Variants in POLA1 observed in about 807,000 individuals in gnomAD.
POLA1 encodes DNA polymerase alpha catalytic subunit.
In POLA1, 15 loss-of-function variants were observed where a neutral mutation model predicts 124.0. That is an observed-to-expected ratio of 0.12 (90% CI 0.08 to 0.19). The LOEUF is 0.19. Among genes scored for constraint, POLA1 ranks in the 10% least tolerant of loss-of-function variants. The probability of loss-of-function intolerance (pLI) is 1.00; values close to 1 mark genes in which losing one functional copy is unlikely to be tolerated. For missense variants in POLA1, 886 were observed against 1,103.4 expected (o/e 0.80, Z 2.79); for synonymous variants, 408 against 389.4 (o/e 1.05, Z -0.56).
At chrX:24,937,517 T>A (rs768207347) in intron 36 of POLA1, among the ~76,000 whole-genome samples, 1 of 112,224 alleles carries the variant, frequency 8.9e-6, no homozygotes, top group Admixed American at 9.4e-5. Context: ...CAACTTGAAG[T>A]AATTACCCAA....
At chrX:24,918,581 T>C (rs2047568454) in intron 35 of POLA1, among the ~76,000 whole-genome samples, 1 of 112,345 alleles carries the variant, frequency 8.9e-6, no homozygotes, top group East Asian at 2.8e-4. Context: ...ATTCCTGCTT[T>C]ACAGATGAGG....
intron 26 of POLA1, among the ~76,000 whole-genome samples, chrX:24,779,928 G>A (rs2045224789): frequency 9.0e-6 from 1 of 111,539 alleles, no homozygotes; most frequent in African/African-American, 3.3e-5. Flanking sequence ...TTTTTTAAGA[G>A]CAAAAATGGT....
At position 24,735,425 on chromosome X, in the gene POLA1, A is replaced by G. The variant is rs367871412; in HGVS notation, c.1860A>G (p.Thr620=). 11 of 1,201,100 alleles carry G rather than the reference A, an allele frequency of 9.2e-6. No individual in the cohort carries two copies. The highest frequency in any genetic ancestry group is 1.1e-5 in the Non-Finnish European group (10 of 886,845). ...KKNVKVEVAA[T]ERTLLGFFLA... is the part of the protein sequence containing the mutation. ...ATGTGAAGGTTGAGGTTGCTGCAAC[A>G]GAAAGAACACTGCTAGGTTTTTTCC... is the stretch of plus-strand genomic sequence containing the variant. The change falls in exon 18 of 37, where the codon ACA becomes ACG. Residue 620 remains threonine, a synonymous_variant. Coordinates refer to ENST00000379068, the MANE Select transcript of POLA1 (RefSeq NM_001330360.2).
Position 24,732,457 on chromosome X carries a change from A to T in POLA1, c.1771+3A>T. ...TCCCTTTCAGTCACACTTCTGTGGT[A>T]TGTATTTTTTTTTAAGCTGGCTTAC... On this transcript the variant is annotated splice_donor_region_variant and intron_variant, in intron 16 of 36. Transcript: ENST00000379068. 8.9e-7 allele frequency: 1 copy of T among 1,127,488 alleles called. No individual in the cohort carries two copies. The highest frequency in any genetic ancestry group is 1.2e-6 in the Non-Finnish European group (1 of 820,723). The allele number at this position is 1,127,488 out of a possible 1,213,427, so 92.9% of individuals were successfully genotyped here.
At chrX:24,835,327 C>T (rs1244508960) in intron 32 of POLA1, among the ~76,000 whole-genome samples, 1 of 111,177 alleles carries the variant, frequency 9.0e-6, no homozygotes, top group African/African-American at 3.3e-5. Context: ...GCTGCGATTA[C>T]AGGCGTGAGT....
Position 24,743,314 on chromosome X carries a change from T to C in POLA1, c.2551T>C (p.Leu851=). Residue 851 remains leucine (L), a synonymous_variant, in exon 23 of 37, where the codon TTG becomes CTG. Coordinates refer to ENST00000379068, the MANE Select transcript of POLA1 (RefSeq NM_001330360.2). ...KKAAYAGGLV[L]DPKVGFYDKF... is the part of the protein sequence containing the mutation. ...AGCAGCTTATGCTGGAGGCTTGGTT[T>C]TGGACCCCAAAGTTGGTAAGGCTGG... 8.8e-7 allele frequency: 1 copy of C among 1,135,782 alleles called. No homozygotes were observed. The highest frequency in any genetic ancestry group is 1.2e-6 in the Non-Finnish European group (1 of 830,019). 93.6% of individuals were successfully genotyped at this position (1,135,782 alleles called of 1,213,427 possible). A position where few individuals can be genotyped will look rare whatever the true frequency, so the allele number is the denominator to read the frequency against.
At chrX:24,751,513 T>C (rs758750192) in intron 26 of POLA1, among the ~76,000 whole-genome samples, 1 of 112,062 alleles carries the variant, frequency 8.9e-6, no homozygotes, top group African/African-American at 3.2e-5. Flanking sequence ...GCTTTCCTCT[T>C]TTCTCTTTAC....
chrX:24,931,684 ATAAC>A (rs2047781208), intron 36 of POLA1, among the ~76,000 whole-genome samples: 1 of 112,169 alleles, frequency 8.9e-6, no homozygotes, highest in Non-Finnish European at 1.9e-5. Flanking sequence ...CTGCCTATTA[ATAAC>A]TAAGTTTTAG....
chrX:24,960,049 C>G (rs2048151933), intron 36 of POLA1, among the ~76,000 whole-genome samples: 3 of 110,840 alleles, frequency 2.7e-5, no homozygotes, highest in African/African-American at 9.9e-5. Flanking sequence ...CCATGCCTTC[C>G]CTAAAGGCAT....
chrX:24,995,960 A>G lies in POLA1; in HGVS notation c.*10A>G. 8.3e-7 allele frequency: 1 copy of G among 1,204,870 alleles called. No homozygotes were observed. Among genetic ancestry groups the G allele is most frequent in the South Asian group, 1.8e-5 (1 of 55,576 alleles). The stretch of plus-strand genomic sequence containing the variant: ...TGCCGTGAAATCCTAAGGGAATCCC[A>G]GGAGTAACCAAGGAGGGGGTAGTTG... On this transcript the variant is annotated 3_prime_UTR_variant, in exon 37 of 37. Coordinates refer to ENST00000379068, the MANE Select transcript of POLA1 (RefSeq NM_001330360.2).
At chrX:24,953,392 G>T (rs772968196) in intron 36 of POLA1, among the ~76,000 whole-genome samples, 3 of 112,108 alleles carry the variant, frequency 2.7e-5, no homozygotes, top group African/African-American at 9.7e-5. Flanking sequence ...TAAAGAGCAA[G>T]ATCATTTCAG....
chrX:24,750,985 T>A (rs776858641), intron 26 of POLA1, among the ~76,000 whole-genome samples: 8 of 112,236 alleles, frequency 7.1e-5, no homozygotes, highest in Admixed American at 1.9e-4. Flanking sequence ...ATTATTTAAA[T>A]TTTATTTCTT....
chrX:24,900,212 T>C (rs1429088292), intron 35 of POLA1, among the ~76,000 whole-genome samples: 1 of 112,239 alleles, frequency 8.9e-6, no homozygotes, highest in African/African-American at 3.2e-5. Flanking sequence ...TAAGCTGTTA[T>C]ACAGCCTTGA....
chrX:24,714,384 C>T (rs745452574), intron 4 of POLA1, among the ~76,000 whole-genome samples, 170 bp from the exon 5 acceptor site: 75 of 112,438 alleles, frequency 6.7e-4, no homozygotes, highest in Non-Finnish European at 1.5e-4. Context: ...TCTCGATCTC[C>T]TGATCTCGTG....
At chrX:24,745,904 T>C (rs1931973724) in intron 24 of POLA1, among the ~76,000 whole-genome samples, 1 of 111,997 alleles carries the variant, frequency 8.9e-6, no homozygotes, top group Admixed American at 9.5e-5. Context: ...TCTGGCTTAT[T>C]TCACTTATAA....
intron 26 of POLA1, among the ~76,000 whole-genome samples, chrX:24,763,474 G>T (rs1932835278): frequency 9.0e-6 from 1 of 111,103 alleles, no homozygotes; most frequent in Non-Finnish European, 1.9e-5. Flanking sequence ...TATAAACTGG[G>T]GAGTCATTGG....
At chrX:24,716,823 G>A in intron 7 of POLA1, 61 bp from the exon 8 acceptor site, 1 of 664,636 alleles carries the variant, frequency 1.5e-6, no homozygotes, top group Non-Finnish European at 2.4e-6. Context: ...GGTCAGGGTA[G>A]GACAGTTGCA....
At chrX:24,720,202 C>G (rs960224716) in intron 10 of POLA1, among the ~76,000 whole-genome samples, 2 of 112,009 alleles carry the variant, frequency 1.8e-5, no homozygotes, top group Admixed American at 1.9e-4. Flanking sequence ...TAAAATTCAG[C>G]CCAGATGTTA....
intron 36 of POLA1, among the ~76,000 whole-genome samples, chrX:24,970,189 A>G (rs1167767801): frequency 8.9e-6 from 1 of 112,234 alleles, no homozygotes; most frequent in Non-Finnish European, 1.9e-5. Flanking sequence ...CAAACCTGAC[A>G]AAAGCAAGCA....
Sources: allele counts gnomAD v4.1 joint callset (sites outside exome capture counted in the v4.1 genomes callset), GRCh38; gene constraint gnomAD v4.1.1; transcripts MANE v1.5; gene names NCBI Gene and HGNC (gene_info 2026-07-23, HGNC 2026-07-21).